Variants in MYRIP observed in about 807,000 individuals in gnomAD.
MYRIP encodes the protein myosin VIIA and Rab interacting protein, also known as rab effector MyRIP.
In MYRIP, 49 loss-of-function variants were observed where a neutral mutation model predicts 98.0. The ratio of observed to expected loss-of-function variants is 0.50; its 90% confidence interval spans 0.40 to 0.63. MYRIP has a LOEUF of 0.63. MYRIP is among the 30% of genes least tolerant of loss of function. The pLI is 0.00. For synonymous variants in MYRIP, 404 were observed against 409.5 expected, an observed-to-expected ratio of 0.99 and a Z score of 0.16; for missense variants, 1,004 against 1,058.2, an observed-to-expected ratio of 0.95 and a Z score of 0.71.
intron 1 of MYRIP, among the ~76,000 whole-genome samples, chr3:39,847,451 T>C (rs1037171370): frequency 9.9e-5 from 15 of 152,218 alleles, no homozygotes; most frequent in Admixed American, 8.5e-4. Flanking sequence ...ATACTCATGA[T>C]AGTTACACTT....
chr3:40,091,411 A>G (rs781090397), intron 3 of MYRIP, among the ~76,000 whole-genome samples: 4 of 151,840 alleles, frequency 2.6e-5, no homozygotes, highest in Non-Finnish European at 5.9e-5. Flanking sequence ...GGGTCTGGCT[A>G]TGAGGGTGAG....
At chr3:40,217,548 T>G (rs1015452575) in intron 11 of MYRIP, among the ~76,000 whole-genome samples, 2 of 152,144 alleles carry the variant, frequency 1.3e-5, no homozygotes, top group South Asian at 4.1e-4. Flanking sequence ...AAATACTGAA[T>G]GAAGAATGAA....
At chr3:40,099,456 A>G (rs1333531790) in intron 3 of MYRIP, among the ~76,000 whole-genome samples, 1 of 152,168 alleles carries the variant, frequency 6.6e-6, no homozygotes, top group Non-Finnish European at 1.5e-5. Flanking sequence ...AAATAAAGAT[A>G]CTGAGGTTCA....
At chr3:40,240,229 A>G (rs1403769084) in intron 12 of MYRIP, among the ~76,000 whole-genome samples, 1 of 151,994 alleles carries the variant, frequency 6.6e-6, no homozygotes, top group Non-Finnish European at 1.5e-5. Flanking sequence ...GATATGCGGC[A>G]TTATTTCTGA....
chr3:39,916,782 A>T (rs1944173720), intron 2 of MYRIP, among the ~76,000 whole-genome samples: 1 of 152,154 alleles, frequency 6.6e-6, no homozygotes, highest in Non-Finnish European at 1.5e-5. Context: ...CATTTAACAT[A>T]TAGAGGCCCT....
At chr3:39,842,508 GA>G (rs1375271137) in intron 1 of MYRIP, among the ~76,000 whole-genome samples, 2 of 152,146 alleles carry the variant, frequency 1.3e-5, no homozygotes, top group Non-Finnish European at 2.9e-5. Context: ...ACTGGGGTAT[GA>G]AAGAAAACTC....
At chr3:39,850,272 A>C (rs986735881) in intron 1 of MYRIP, among the ~76,000 whole-genome samples, 1 of 152,238 alleles carries the variant, frequency 6.6e-6, no homozygotes, top group Admixed American at 6.5e-5. Flanking sequence ...GGGTCAGCCC[A>C]CATACCCTCA....
At chr3:39,819,582 G>T (rs983145581) in intron 1 of MYRIP, among the ~76,000 whole-genome samples, 1 of 152,148 alleles carries the variant, frequency 6.6e-6, no homozygotes, top group Non-Finnish European at 1.5e-5. Context: ...GAAGACTTTC[G>T]TTGGGGTAAC....
At chr3:40,105,815 A>G (rs1285032470) in intron 3 of MYRIP, among the ~76,000 whole-genome samples, 2 of 152,186 alleles carry the variant, frequency 1.3e-5, no homozygotes, top group Non-Finnish European at 2.9e-5. Context: ...TAAAACCATC[A>G]GATTTCATGA....
At chr3:40,234,944 G>A (rs868704100) in intron 12 of MYRIP, among the ~76,000 whole-genome samples, 13 of 151,606 alleles carry the variant, frequency 8.6e-5, no homozygotes, top group Middle Eastern at 3.4e-3. Context: ...AGTGAGCCAA[G>A]GTGGTGCCAT....
At chr3:40,247,346 T>C (rs1445498489) in intron 13 of MYRIP, among the ~76,000 whole-genome samples, 2 of 152,222 alleles carry the variant, frequency 1.3e-5, no homozygotes, top group Non-Finnish European at 2.9e-5. Context: ...CGTTATTTTG[T>C]ACTAGGTATT....
At chr3:39,962,213 T>C (rs1032656225) in intron 2 of MYRIP, among the ~76,000 whole-genome samples, 5 of 152,096 alleles carry the variant, frequency 3.3e-5, no homozygotes, top group African/African-American at 1.2e-4. Context: ...GTTATGAAGG[T>C]CAAGTAAAAT....
intron 3 of MYRIP, among the ~76,000 whole-genome samples, chr3:40,050,915 C>T (rs1947782423): frequency 6.6e-6 from 1 of 152,152 alleles, no homozygotes; most frequent in South Asian, 2.1e-4. Context: ...TGGAGCCTGA[C>T]AGTGTACTGA....
chr3:39,974,569 G>A (rs767074866), intron 2 of MYRIP, among the ~76,000 whole-genome samples: 21 of 152,122 alleles, frequency 1.4e-4, no homozygotes, highest in South Asian at 6.2e-4. Flanking sequence ...GCATCATCCC[G>A]GTACCAAAGC....
At chr3:39,904,379 G>A (rs1232601979) in intron 2 of MYRIP, among the ~76,000 whole-genome samples, 2 of 152,048 alleles carry the variant, frequency 1.3e-5, no homozygotes, top group Non-Finnish European at 2.9e-5. Context: ...GGGATTACAG[G>A]TGCAAGCTCT....
In MYRIP at chr3:39,888,768, G is replaced by A. The variant is rs148346685; in HGVS notation, c.-30-12019G>A. Reference sequence around the variant, plus strand: ...ACCTACAAAATGGGAGAAAATTTTCGCAACCTACTCATCTGACAAAGGGTA... The same window carrying A: ...ACCTACAAAATGGGAGAAAATTTTCACAACCTACTCATCTGACAAAGGGTA... On this transcript the variant is annotated intron_variant, in intron 1 of 16. Coordinates refer to ENST00000302541, the MANE Select transcript of MYRIP (RefSeq NM_015460.4). Among the ~76,000 whole-genome samples the A allele has an allele frequency of 7.4e-3, 1,128 of 152,026 alleles. 24 individuals carry two copies. In the East Asian group the frequency reaches 0.089, roughly 12 times the overall value.
chr3:40,054,300 AG>A (rs1947843735), intron 3 of MYRIP, among the ~76,000 whole-genome samples: 1 of 152,174 alleles, frequency 6.6e-6, no homozygotes, highest in Admixed American at 6.6e-5. Flanking sequence ...AAAGTTTGAC[AG>A]GCTTTTTATT....
chr3:39,914,779 T>C (rs1420721871), intron 2 of MYRIP, among the ~76,000 whole-genome samples: 1 of 152,132 alleles, frequency 6.6e-6, no homozygotes, highest in African/African-American at 2.4e-5. Flanking sequence ...CTTAACTCAC[T>C]GGAGTCCTGA....
chr3:39,879,307 AT>A (rs1041559186), intron 1 of MYRIP, among the ~76,000 whole-genome samples: 3 of 149,970 alleles, frequency 2.0e-5, no homozygotes, highest in African/African-American at 7.3e-5. Context: ...TGTTTGTCTT[AT>A]TTTTTTCTGC....
Sources: allele counts gnomAD v4.1 joint callset (sites outside exome capture counted in the v4.1 genomes callset), GRCh38; gene constraint gnomAD v4.1.1; transcripts MANE v1.5; gene names NCBI Gene and HGNC (gene_info 2026-07-23, HGNC 2026-07-21).